The following EVA1A variants were observed in gnomAD, a reference collection of about 807,000 sequenced individuals.
EVA1A encodes the protein protein eva-1 homolog A.
In EVA1A, 7 loss-of-function variants were observed where a neutral mutation model predicts 9.8. That is an observed-to-expected ratio of 0.71 (90% confidence interval 0.41 to 1.34). EVA1A has a LOEUF of 1.34. EVA1A is among the 40% of genes most tolerant of loss of function. The pLI is 0.01. For missense variants in EVA1A, 206 were observed against 205.9 expected, an observed-to-expected ratio of 1.00 and a Z score of 0.00; for synonymous variants, 90 against 85.6, an observed-to-expected ratio of 1.05 and a Z score of -0.28.
rs561507456 is a variant in EVA1A, at chr2:75,537,407, G to A, written c.-191-14920C>T. On this transcript the variant is annotated intron_variant, in intron 1 of 3. Coordinates refer to ENST00000393913, the MANE Select transcript of EVA1A (RefSeq NM_001135032.2). ...TTTACTCTTTAAGATCAGAAACTAGGTAAAGATGCCCACCCTCCCCACTCT... is the reference window on the plus strand; with the variant it reads ...TTTACTCTTTAAGATCAGAAACTAGATAAAGATGCCCACCCTCCCCACTCT... 1.8e-3 allele frequency among the ~76,000 whole-genome samples: 272 copies of A among 152,180 alleles called. 2 individuals are homozygous for A. Among genetic ancestry groups the A allele is most frequent in the African/African-American group, 5.9e-3 (245 of 41,532 alleles).
chr2:75,544,647 C>G (rs867876751), intron 1 of EVA1A, among the ~76,000 whole-genome samples: 4 of 152,070 alleles, frequency 2.6e-5, no homozygotes, highest in African/African-American at 7.2e-5. Flanking sequence ...CATAATTAAC[C>G]TCTCATGATG....
chr2:75,492,967 G>C lies in EVA1A; in HGVS notation c.*269C>G. 2.3e-6 allele frequency: 1 copy of C among 439,604 alleles called. No individual in the cohort carries two copies. Among genetic ancestry groups the C allele is most frequent in the South Asian group, 4.8e-5 (1 of 20,748 alleles). The allele number at this position is 439,604 out of a possible 1,614,324, so 27.2% of individuals were successfully genotyped here. A position where few individuals can be genotyped will look rare whatever the true frequency, so the allele number is the denominator to read the frequency against. ...AGAAATCAAGAGAAACCACAGTCGC[G>C]TTTCTCCGATCTCCATCCACAGTGT... On this transcript the variant is annotated 3_prime_UTR_variant, in exon 4 of 4. Coordinates refer to ENST00000393913, the MANE Select transcript of EVA1A (RefSeq NM_001135032.2).
At chr2:75,545,255 G>T (rs1676288771) in intron 1 of EVA1A, among the ~76,000 whole-genome samples, 1 of 152,186 alleles carries the variant, frequency 6.6e-6, no homozygotes, top group African/African-American at 2.4e-5. Context: ...AGAAAAGGGT[G>T]AGAGTAATTC....
chr2:75,531,152 T>C (rs533995884), intron 1 of EVA1A, among the ~76,000 whole-genome samples: 2 of 152,096 alleles, frequency 1.3e-5, no homozygotes, highest in African/African-American at 2.4e-5. Context: ...ACCTTTACAA[T>C]AGCTGCAAAA....
intron 1 of EVA1A, among the ~76,000 whole-genome samples, chr2:75,538,554 G>A (rs1048979272): frequency 2.0e-5 from 3 of 152,158 alleles, no homozygotes; most frequent in Non-Finnish European, 4.4e-5. Context: ...ATTTATAGCA[G>A]CTGTATTTGC....
At chr2:75,511,791 C>A (rs934241309) in intron 3 of EVA1A, among the ~76,000 whole-genome samples, 1 of 152,138 alleles carries the variant, frequency 6.6e-6, no homozygotes, top group East Asian at 1.9e-4. Context: ...ATTCTACATG[C>A]GCAGGATATA....
intron 3 of EVA1A, among the ~76,000 whole-genome samples, chr2:75,506,802 C>G (rs983331005): frequency 6.6e-6 from 1 of 152,138 alleles, no homozygotes; most frequent in East Asian, 1.9e-4. Context: ...GGGGCCCTGC[C>G]TCACAACCCT....
At chr2:75,539,473 G>A (rs760163176) in intron 1 of EVA1A, among the ~76,000 whole-genome samples, 6 of 152,142 alleles carry the variant, frequency 3.9e-5, no homozygotes, top group Non-Finnish European at 7.4e-5. Context: ...TCTTTAAAAC[G>A]AGGCTAATGA....
At chr2:75,503,966 C>T (rs368034437) in intron 3 of EVA1A, among the ~76,000 whole-genome samples, 3 of 152,242 alleles carry the variant, frequency 2.0e-5, no homozygotes, top group East Asian at 3.9e-4. Flanking sequence ...CAAAATTTCA[C>T]GTGTGCTCCA....
chr2:75,561,465 G>A (rs945587934), upstream of EVA1A: 1 of 151,584 alleles, frequency 6.6e-6, no homozygotes, highest in African/African-American at 2.4e-5. Flanking sequence ...ATGCAGCTGA[G>A]GCCTCTGTTT....
intron 2 of EVA1A, among the ~76,000 whole-genome samples, chr2:75,520,989 T>C (rs1319444630): frequency 6.6e-6 from 1 of 152,196 alleles, no homozygotes; most frequent in African/African-American, 2.4e-5. Context: ...TAATTCCTAA[T>C]ATCAGAACTC....
chr2:75,553,130 C>T (rs1429494436), intron 1 of EVA1A, among the ~76,000 whole-genome samples: 3 of 152,198 alleles, frequency 2.0e-5, no homozygotes, highest in Admixed American at 2.0e-4. Context: ...CCTGGACATG[C>T]TGGACTTCTC....
chr2:75,566,727 T>C (rs1034163948), intron 1 of EVA1A, among the ~76,000 whole-genome samples: 3 of 152,216 alleles, frequency 2.0e-5, no homozygotes, highest in Admixed American at 2.0e-4. Flanking sequence ...AATCAAAATA[T>C]TTCTCTAGCC....
intron 3 of EVA1A, among the ~76,000 whole-genome samples, chr2:75,506,291 T>C (rs1217428036): frequency 1.3e-5 from 2 of 152,254 alleles, no homozygotes; most frequent in African/African-American, 4.8e-5. Context: ...GAAAGGAATC[T>C]CTGTGTCAAA....
chr2:75,517,142 G>A (rs1337996571), intron 3 of EVA1A, among the ~76,000 whole-genome samples: 1 of 151,810 alleles, frequency 6.6e-6, no homozygotes, highest in Non-Finnish European at 1.5e-5. Context: ...AACTTCCTTG[G>A]CTCATGGAAC....
chr2:75,538,707 C>T (rs1003109563), intron 1 of EVA1A, among the ~76,000 whole-genome samples: 10 of 152,114 alleles, frequency 6.6e-5, no homozygotes, highest in East Asian at 5.8e-4. Context: ...GGATGAATTC[C>T]AGAGGATTAT....
At chr2:75,537,240 T>G (rs751151104) in intron 1 of EVA1A, among the ~76,000 whole-genome samples, 3 of 151,896 alleles carry the variant, frequency 2.0e-5, no homozygotes, top group African/African-American at 7.3e-5. Flanking sequence ...AGCAGAAAAA[T>G]TTTTTCAAAA....
At chr2:75,565,267 CTA>C (rs1677004461), upstream of EVA1A, among the ~76,000 whole-genome samples, 1 of 152,158 alleles carries the variant, frequency 6.6e-6, no homozygotes, top group South Asian at 2.1e-4. Flanking sequence ...ATCAGAATCT[CTA>C]TGAGTAGGGC....
chr2:75,499,185 A>G (rs1000504203), intron 3 of EVA1A, among the ~76,000 whole-genome samples: 4 of 152,222 alleles, frequency 2.6e-5, no homozygotes, highest in African/African-American at 7.2e-5. Context: ...GTTAAATCCA[A>G]TAATTGCCTT....
Sources: gnomAD v4.1 joint callset for allele counts (sites outside exome capture counted in the v4.1 genomes callset) on GRCh38, gnomAD v4.1.1 for gene constraint, MANE v1.5 for transcripts, NCBI Gene and HGNC (gene_info 2026-07-23, HGNC 2026-07-21) for gene names.